MIS18A: variants seen among roughly 807,000 people sequenced by gnomAD.
MIS18A encodes the protein MIS18 kinetochore protein A, also known as protein Mis18-alpha.
MIS18A carries 14 observed loss-of-function variants against 25.0 expected under a neutral mutation model. The ratio of observed to expected loss-of-function variants is 0.56; its 90% CI spans 0.37 to 0.88. MIS18A has a LOEUF of 0.88. Among genes scored for constraint, MIS18A ranks in the 40% least tolerant of loss-of-function variants. The probability of loss-of-function intolerance (pLI) is 0.00; values close to 1 mark genes in which losing one functional copy is unlikely to be tolerated. For missense variants in MIS18A, 292 were observed against 290.8 expected (o/e 1.00, Z -0.03); for synonymous variants, 134 against 118.6 (o/e 1.13, Z -0.84).
the MIS18A span, chr21:32,261,443 T>C: frequency 6.6e-6 from 1 of 152,248 alleles, no homozygotes; most frequent in South Asian, 2.1e-4. Flanking sequence ...GAGGGCTCTT[T>C]GTCACCAAGA....
At chr21:32,166,428 G>A in the MIS18A span, among the ~76,000 whole-genome samples, 7 of 152,288 alleles carry the variant, frequency 4.6e-5, no homozygotes, top group East Asian at 1.4e-3. Flanking sequence ...TGATTCTAGG[G>A]CTGGGACAGG....
the MIS18A span, among the ~76,000 whole-genome samples, chr21:32,223,685 A>T: frequency 6.6e-6 from 1 of 152,224 alleles, no homozygotes; most frequent in Non-Finnish European, 1.5e-5. Flanking sequence ...TTCACAGCCA[A>T]ATTCTACCTG....
At chr21:32,221,261 A>G in the MIS18A span, among the ~76,000 whole-genome samples, 2,335 of 152,336 alleles carry the variant, frequency 0.015, 60 homozygotes, top group African/African-American at 0.054. Flanking sequence ...AGGGAAACCC[A>G]TCAGACCAAC....
the MIS18A span, among the ~76,000 whole-genome samples, chr21:32,233,256 T>C: frequency 1.3e-5 from 2 of 152,202 alleles, no homozygotes; most frequent in African/African-American, 4.8e-5. Context: ...ATGAATTGCA[T>C]TTCTGAATTT....
chr21:32,273,210 C>T (rs1042917462), intron 2 of MIS18A, among the ~76,000 whole-genome samples: 1 of 151,274 alleles, frequency 6.6e-6, no homozygotes. Flanking sequence ...AGGTACACCA[C>T]CCTCCCGGCA....
At chr21:32,275,605 G>A (rs1463766288) in intron 1 of MIS18A, among the ~76,000 whole-genome samples, 1 of 152,132 alleles carries the variant, frequency 6.6e-6, no homozygotes, top group African/African-American at 2.4e-5. Context: ...AACACTAAAG[G>A]ACAGGGTAGA....
chr21:32,247,458 C>G, the MIS18A span, among the ~76,000 whole-genome samples: 1 of 152,128 alleles, frequency 6.6e-6, no homozygotes, highest in African/African-American at 2.4e-5. Context: ...TAGAGTGGAC[C>G]CCTTTGGGAA....
At chr21:32,200,197 T>C in the MIS18A span, among the ~76,000 whole-genome samples, 1 of 152,162 alleles carries the variant, frequency 6.6e-6, no homozygotes, top group Non-Finnish European at 1.5e-5. Context: ...TGTAAACAAG[T>C]AGGCATGGCC....
the MIS18A span, among the ~76,000 whole-genome samples, chr21:32,168,519 A>AT: frequency 6.6e-6 from 1 of 152,198 alleles, no homozygotes. Flanking sequence ...CTGAAACTAA[A>AT]TTTTATATTG....
the MIS18A span, among the ~76,000 whole-genome samples, chr21:32,157,038 T>TTTTC: frequency 7.0e-6 from 1 of 142,788 alleles, no homozygotes; most frequent in Non-Finnish European, 1.5e-5. Flanking sequence ...TTTCCTTTCT[T>TTTTC]TTCCTTTCTT....
the MIS18A span, among the ~76,000 whole-genome samples, chr21:32,162,821 CCA>C: frequency 6.6e-6 from 1 of 152,216 alleles, no homozygotes; most frequent in Non-Finnish European, 1.5e-5. Context: ...AATGCTGCCT[CCA>C]GACTCCCTTC....
chr21:32,241,192 T>A, the MIS18A span, among the ~76,000 whole-genome samples: 2 of 152,224 alleles, frequency 1.3e-5, no homozygotes, highest in Admixed American at 1.3e-4. Flanking sequence ...ATGTCATGAC[T>A]GAAAACTAAA....
chr21:32,164,452 G>C, the MIS18A span, among the ~76,000 whole-genome samples: 4 of 152,068 alleles, frequency 2.6e-5, no homozygotes, highest in Admixed American at 2.6e-4. Flanking sequence ...CCAAACTCAT[G>C]TAGATAAGAC....
chr21:32,223,411 A>G, the MIS18A span, among the ~76,000 whole-genome samples: 1 of 152,198 alleles, frequency 6.6e-6, no homozygotes, highest in South Asian at 2.1e-4. Context: ...AAGAGAGAAG[A>G]ATCAAATAGA....
the MIS18A span, among the ~76,000 whole-genome samples, chr21:32,178,735 A>T: frequency 6.6e-6 from 1 of 152,166 alleles, no homozygotes; most frequent in African/African-American, 2.4e-5. Context: ...TGAGTCTATT[A>T]ATTCATATCT....
At chr21:32,246,268 G>C in the MIS18A span, among the ~76,000 whole-genome samples, 82 of 152,266 alleles carry the variant, frequency 5.4e-4, no homozygotes, top group Non-Finnish European at 9.0e-4. Flanking sequence ...CCCCTCATTT[G>C]CTGGAAAGAG....
chr21:32,179,586 C>T, the MIS18A span, among the ~76,000 whole-genome samples: 3 of 152,194 alleles, frequency 2.0e-5, no homozygotes, highest in Admixed American at 6.5e-5. Flanking sequence ...GGATTTCCCT[C>T]GCTTTACTGC....
the MIS18A span, among the ~76,000 whole-genome samples, chr21:32,252,221 AAGAAGAAGAAGAAGAAGAAGG>A: frequency 2.3e-3 from 214 of 93,628 alleles, 2 homozygotes; most frequent in African/African-American, 9.3e-3. Flanking sequence ...GAAGAAGAAG[AAGAAGAAGAAGAAGAAGAAGG>A]AGGAGGAGGA....
the MIS18A span, among the ~76,000 whole-genome samples, chr21:32,161,596 A>T: frequency 1.3e-5 from 2 of 151,290 alleles, no homozygotes. Context: ...GCTTCAAGAG[A>T]TTCTCCTGCC....
Sources: gnomAD v4.1 joint callset for allele counts (sites outside exome capture counted in the v4.1 genomes callset) on GRCh38, gnomAD v4.1.1 for gene constraint, MANE v1.5 for transcripts, NCBI Gene and HGNC (gene_info 2026-07-23, HGNC 2026-07-21) for gene names.